USP45: variants seen among roughly 807,000 people sequenced by gnomAD.
The protein encoded by USP45 is ubiquitin carboxyl-terminal hydrolase 45.
Under a neutral mutation model 95.8 loss-of-function variants are expected in USP45, and 89 were observed. The ratio of observed to expected loss-of-function variants is 0.93; its 90% CI spans 0.78 to 1.11. The LOEUF (loss-of-function observed/expected upper bound fraction) is 1.11. Ranked by LOEUF, USP45 falls within the 50% of genes least tolerant of loss-of-function variation. USP45 has a pLI of 0.00. For missense variants in USP45, 898 were observed against 942.5 expected (o/e 0.95, Z 0.62); for synonymous variants, 281 against 316.2 (o/e 0.89, Z 1.18).
intron 13 of USP45, among the ~76,000 whole-genome samples, chr6:99,453,058 A>C (rs972925584): frequency 6.6e-6 from 1 of 152,142 alleles, no homozygotes; most frequent in African/African-American, 2.4e-5. Flanking sequence ...GGAAAGCATT[A>C]GGAGATATAC....
At position 99,503,793 on chromosome 6, in the gene USP45, G is replaced by A; in HGVS notation, c.450C>T (p.Leu150=). The A allele has an allele frequency of 6.2e-7, 1 of 1,600,776 alleles. No individual in the cohort carries two copies. Among genetic ancestry groups the A allele is most frequent in the South Asian group, 1.1e-5 (1 of 87,414 alleles). The change falls in exon 5 of 18, where the codon CTC becomes CTT. Residue 150 remains leucine (L), a synonymous_variant. Coordinates refer to ENST00000500704, the MANE Select transcript of USP45 (RefSeq NM_001346022.3). The part of the protein sequence containing the change: ...KKVLAQIVDF[L]QKHASKTQTS... ...TTTGTGTTTTAGAAGCATGTTTCTGGAGAAAATCAACTATCTGAGCCAAAA... is the reference window on the plus strand; with the variant it reads ...TTTGTGTTTTAGAAGCATGTTTCTGAAGAAAATCAACTATCTGAGCCAAAA...
intron 13 of USP45, among the ~76,000 whole-genome samples, chr6:99,463,810 A>G (rs1481693733): frequency 2.8e-5 from 1 of 35,696 alleles, no homozygotes; most frequent in African/African-American, 1.4e-4. Flanking sequence ...CAAAAAAAAA[A>G]AAAAAAAAAA....
rs1782557424 is a variant in USP45 at position 99,446,359 on chromosome 6, C to A, written c.1413G>T (p.Met471Ile). Residue 471 changes from methionine to isoleucine, a missense_variant, in exon 14 of 18, where the codon ATG becomes ATT. Coordinates refer to ENST00000500704, the MANE Select transcript of USP45 (RefSeq NM_001346022.3). ...ENLEMNGDSL[M>I]FASLMNSESR... The stretch of plus-strand genomic sequence containing the variant: ...ACTCAGAATTCATGAGGCTGGCAAA[C>A]ATTAAAGAATCCCCATTCATTTCAA... The A allele has an allele frequency of 1.2e-6, 2 of 1,614,192 alleles. No homozygotes were observed. Among genetic ancestry groups the A allele is most frequent in the Middle Eastern group, 1.6e-4 (1 of 6,062 alleles).
chr6:99,488,386 A>G (rs927760026), intron 6 of USP45, 91 bp from the exon 7 acceptor site: 24 of 837,748 alleles, frequency 2.9e-5, no homozygotes, highest in Non-Finnish European at 4.4e-5. Context: ...CTAGCATAGC[A>G]AAAGTGTCTA....
chr6:99,456,364 T>C (rs1311306373), intron 13 of USP45, among the ~76,000 whole-genome samples: 2 of 152,072 alleles, frequency 1.3e-5, no homozygotes, highest in East Asian at 3.9e-4. Flanking sequence ...CGAGAAAATC[T>C]GAAATGTTCT....
At chr6:99,435,944 ATGCCAAAT>A in intron 17 of USP45, 98 bp from the exon 18 acceptor site, 6 of 1,243,882 alleles carry the variant, frequency 4.8e-6, no homozygotes, top group Non-Finnish European at 4.3e-6. Context: ...ACTCTATCTA[ATGCCAAAT>A]TTTACCTGAG....
At position 99,476,196 on chromosome 6, in the gene USP45, T is replaced by C; in HGVS notation, c.880A>G (p.Ser294Gly). The part of the protein sequence containing the change: ...PRFKDFQQQD[S>G]QELLHYLLDA... ...AGAAGATAATGAAGAAGCTCCTGACTGTCCTGTTGCTGGAAATCTTTAAAT... is the reference window on the plus strand; with the variant it reads ...AGAAGATAATGAAGAAGCTCCTGACCGTCCTGTTGCTGGAAATCTTTAAAT... Residue 294 changes from serine to glycine, a missense_variant, in exon 9 of 18, where the codon AGT becomes GGT. Coordinates refer to ENST00000500704, the MANE Select transcript of USP45 (RefSeq NM_001346022.3). The C allele has an allele frequency of 6.2e-7, 1 of 1,614,092 alleles. No individual in the cohort carries two copies. Among genetic ancestry groups the C allele is most frequent in the Non-Finnish European group, 8.5e-7 (1 of 1,179,966 alleles).
intron 3 of USP45, 43 bp downstream of exon 3, chr6:99,508,567 A>G: frequency 6.4e-7 from 1 of 1,573,398 alleles, no homozygotes; most frequent in Non-Finnish European, 8.6e-7. Context: ...CATTTAAGGA[A>G]AACATTTCAG....
In USP45 at chr6:99,446,364, A is replaced by C; in HGVS notation, c.1408T>G (p.Leu470Val). ...NENLEMNGDS[L>V]MFASLMNSES... ...GAATTCATGAGGCTGGCAAACATTA[A>C]AGAATCCCCATTCATTTCAAGGTTT... Residue 470 changes from leucine to valine, a missense_variant, in exon 14 of 18, where the codon TTA becomes GTA. Leu to Val is a conservative substitution (Grantham distance 32, BLOSUM62 1). Transcript: ENST00000500704. The C allele has an allele frequency of 6.2e-7, 1 of 1,614,200 alleles. No individual in the cohort carries two copies.
chr6:99,517,292 T>A (rs185186035), upstream of USP45, among the ~76,000 whole-genome samples: 1 of 152,208 alleles, frequency 6.6e-6, no homozygotes, highest in South Asian at 2.1e-4. Context: ...TAGATTACCT[T>A]AAGATTACCT....
chr6:99,450,142 A>G (rs930410913), intron 13 of USP45, among the ~76,000 whole-genome samples: 1 of 152,092 alleles, frequency 6.6e-6, no homozygotes, highest in Non-Finnish European at 1.5e-5. Context: ...AGAGCAAACA[A>G]ATTCAAAAGC....
chr6:99,471,774 T>C lies in USP45; in HGVS notation c.934-3156A>G, dbSNP rs548047918. 3.3e-5 allele frequency among the ~76,000 whole-genome samples: 5 copies of C among 152,318 alleles called. No homozygotes were observed. In the South Asian group the frequency reaches 1.0e-3, roughly 32 times the overall value. On this transcript the variant is annotated intron_variant, in intron 9 of 17. Transcript: ENST00000500704. The stretch of plus-strand genomic sequence containing the variant: ...GATTCTGGTGGCAGACATAACACTG[T>C]AGCCTTCCTTCAATCAAGAAACACA...
At position 99,432,648 on chromosome 6, in the gene USP45, T is replaced by C. The variant is rs1250244673; in HGVS notation, c.*3068A>G. ...CGTAAACAAAAACATCATAAATATC[T>C]AGAAATAATCTTTTTTAACAATGCA... On this transcript the variant is annotated 3_prime_UTR_variant, in exon 18 of 18. Coordinates refer to ENST00000500704, the MANE Select transcript of USP45 (RefSeq NM_001346022.3). The C allele has an allele frequency of 6.6e-6, 1 of 152,328 alleles. No homozygotes were observed. Among genetic ancestry groups the C allele is most frequent in the Non-Finnish European group, 1.5e-5 (1 of 68,038 alleles). 9.4% of individuals were successfully genotyped at this position (152,328 alleles called of 1,614,324 possible). A position where few individuals can be genotyped will look rare whatever the true frequency, so the allele number is the denominator to read the frequency against.
intron 7 of USP45, 101 bp downstream of exon 7, chr6:99,488,099 G>A (rs2181687): frequency 0.83 from 581,853 of 701,952 alleles, 244,065 homozygotes; most frequent in East Asian, 1. Context: ...AAGCCCCCTG[G>A]CTACTATCTT....
chr6:99,502,575 A>G (rs934266591), intron 5 of USP45, among the ~76,000 whole-genome samples: 2 of 152,308 alleles, frequency 1.3e-5, no homozygotes, highest in East Asian at 3.9e-4. Flanking sequence ...CTACACTGCA[A>G]TTATGTAACA....
intron 13 of USP45, among the ~76,000 whole-genome samples, chr6:99,453,825 T>C (rs910636689): frequency 1.3e-4 from 20 of 152,026 alleles, no homozygotes; most frequent in Admixed American, 1.3e-3. Context: ...CCAGGCATGG[T>C]AGCAGGCACC....
rs1255384619 is a variant in USP45 at position 99,511,505 on chromosome 6, G to GT, written c.-10-1276dup. Among the ~76,000 whole-genome samples, 50 of 151,576 alleles carry GT rather than the reference G, an allele frequency of 3.3e-4. 1 individual carries two copies. Among genetic ancestry groups the GT allele is most frequent in the Admixed American group, 3.3e-3 (50 of 15,214 alleles). ...CTCTGATGGCCCAGGCTGGAGTGCA[G>GT]TGGCCTGATTTCAGCTCACTGCAGC... On this transcript the variant is annotated intron_variant, in intron 1 of 17. Transcript: ENST00000500704.
chr6:99,507,508 G>A lies in USP45; in HGVS notation c.297C>T (p.Ser99=). The part of the protein sequence containing the change: ...GFQGCGKNSE[S]QHSLKHFKSS... ...TCTTAAAGTGCTTCAATGAATGTTG[G>A]CTTTCTGAGTTTTTACCACATCCCT... The change falls in exon 4 of 18, where the codon AGC becomes AGT. Residue 99 remains serine (S), a synonymous_variant. Coordinates refer to ENST00000500704, the MANE Select transcript of USP45 (RefSeq NM_001346022.3). 6.2e-7 allele frequency: 1 copy of A among 1,612,248 alleles called. No homozygotes were observed. Among genetic ancestry groups the A allele is most frequent in the Non-Finnish European group, 8.5e-7 (1 of 1,178,998 alleles).
At chr6:99,446,677 A>G (rs990302518) in intron 13 of USP45, among the ~76,000 whole-genome samples, 2 of 152,216 alleles carry the variant, frequency 1.3e-5, no homozygotes, top group Non-Finnish European at 2.9e-5. Context: ...AGTGTAACAG[A>G]GGCTATTTGT....
Sources: allele counts gnomAD v4.1 joint callset (sites outside exome capture counted in the v4.1 genomes callset), GRCh38; gene constraint gnomAD v4.1.1; transcripts MANE v1.5; gene names NCBI Gene and HGNC (gene_info 2026-07-23, HGNC 2026-07-21).